RFTN2: variants seen among roughly 807,000 people sequenced by gnomAD.
The protein encoded by RFTN2 is raftlin-2.
RFTN2 carries 34 observed loss-of-function variants against 52.7 expected under a neutral mutation model. The observed-to-expected ratio is 0.64, with a 90% CI of 0.49 to 0.86. The LOEUF (loss-of-function observed/expected upper bound fraction) is 0.86, where lower values mean the gene tolerates loss of function less well. Among genes scored for constraint, RFTN2 ranks in the 40% least tolerant of loss-of-function variants. RFTN2 has a pLI of 0.00. For missense variants in RFTN2, 536 were observed against 600.1 expected, an observed-to-expected ratio of 0.89 and a Z score of 1.12; for synonymous variants, 203 against 217.7, an observed-to-expected ratio of 0.93 and a Z score of 0.59.
chr2:197,644,096 T>C (rs1463969566), intron 3 of RFTN2, 62 bp downstream of exon 3: 1 of 941,392 alleles, frequency 1.1e-6, no homozygotes, highest in Non-Finnish European at 1.8e-6. Context: ...AAAAGGGAAT[T>C]GATGAAGATG....
chr2:197,580,484 C>T (rs1386639982), intron 8 of RFTN2, among the ~76,000 whole-genome samples: 1 of 152,230 alleles, frequency 6.6e-6, no homozygotes, highest in African/African-American at 2.4e-5. Flanking sequence ...CACTGGAAAT[C>T]GGACTGTCCA....
chr2:197,609,708 G>GT (rs2088024429), intron 7 of RFTN2, among the ~76,000 whole-genome samples: 1 of 152,112 alleles, frequency 6.6e-6, no homozygotes, highest in East Asian at 1.9e-4. Flanking sequence ...TATGTCCTGA[G>GT]TGGTATTGCC....
At chr2:197,577,854 G>A (rs1245087056) in intron 8 of RFTN2, among the ~76,000 whole-genome samples, 1 of 152,146 alleles carries the variant, frequency 6.6e-6, no homozygotes, top group Admixed American at 6.5e-5. Flanking sequence ...GAGTAGCTGG[G>A]ATTACAGGAG....
intron 1 of RFTN2, among the ~76,000 whole-genome samples, chr2:197,652,216 A>G (rs1422253830): frequency 6.6e-6 from 1 of 152,242 alleles, no homozygotes; most frequent in African/African-American, 2.4e-5. Context: ...AAACTGTTCA[A>G]GGATCACTTA....
Position 197,571,713 on chromosome 2 carries a change from A to G in RFTN2, c.*295T>C. 2.8e-6 allele frequency: 1 copy of G among 355,804 alleles called. No individual in the cohort carries two copies. Among genetic ancestry groups the G allele is most frequent in the East Asian group, 5.8e-5 (1 of 17,254 alleles). The allele number at this position is 355,804 out of a possible 1,614,324, so 22.0% of individuals were successfully genotyped here. A position where few individuals can be genotyped will look rare whatever the true frequency, so the allele number is the denominator to read the frequency against. On this transcript the variant is annotated 3_prime_UTR_variant, in exon 9 of 9. Coordinates refer to ENST00000295049, the MANE Select transcript of RFTN2 (RefSeq NM_144629.3). ...CTTACCAGGAATTGTAAGAAAGTCT[A>G]CTTTGTACATTCATGAGAAGCTGAA...
intron 8 of RFTN2, among the ~76,000 whole-genome samples, chr2:197,581,361 C>G (rs553083882): frequency 6.6e-6 from 1 of 152,152 alleles, no homozygotes; most frequent in East Asian, 1.9e-4. Flanking sequence ...CTTAAAGATG[C>G]TTTTTTCACT....
At chr2:197,594,306 G>A (rs557356691) in intron 8 of RFTN2, among the ~76,000 whole-genome samples, 12 of 151,974 alleles carry the variant, frequency 7.9e-5, no homozygotes, top group East Asian at 7.8e-4. Flanking sequence ...GAGCCACCAC[G>A]CTGGGCCAGA....
intron 8 of RFTN2, among the ~76,000 whole-genome samples, chr2:197,575,806 T>C (rs966046695): frequency 1.5e-5 from 2 of 130,518 alleles, no homozygotes; most frequent in South Asian, 5.0e-4. Context: ...ATATATTTTA[T>C]ATACATAATA....
In RFTN2 at chr2:197,634,699, A is replaced by ATT. The variant is rs56902894; in HGVS notation, c.439-704_439-703dup. ...TAAGAATGCTTATTTTTTATTTTTT[A>ATT]TTTTTTTTTTATTTTTAAGGATTAT... On this transcript the variant is annotated intron_variant, in intron 3 of 8. Transcript: ENST00000295049. Among the ~76,000 whole-genome samples the ATT allele has an allele frequency of 4.6e-4, 65 of 141,474 alleles. 2 individuals carry two copies. The South Asian group carries it at 0.01, about 23-fold the overall frequency. The allele number at this position is 141,474 out of a possible 152,430, so 92.8% of individuals were successfully genotyped here.
At chr2:197,652,744 A>G (rs2088842225) in intron 1 of RFTN2, among the ~76,000 whole-genome samples, 1 of 152,230 alleles carries the variant, frequency 6.6e-6, no homozygotes. Context: ...AGCTAAGAGA[A>G]TGAAGATTTG....
Position 197,584,720 on chromosome 2 carries a change from G to A in RFTN2, c.1233+11271C>T, listed in dbSNP as rs192842095. On this transcript the variant is annotated intron_variant, in intron 8 of 8. Coordinates refer to ENST00000295049, the MANE Select transcript of RFTN2 (RefSeq NM_144629.3). ...CTCTTGCCCTTCTCAGAATCAGAACGTGTCCTCGAGATGCTACAGAGTACA... is the reference window on the plus strand; with the variant it reads ...CTCTTGCCCTTCTCAGAATCAGAACATGTCCTCGAGATGCTACAGAGTACA... Among the ~76,000 whole-genome samples the A allele has an allele frequency of 6.6e-5, 10 of 152,186 alleles. No homozygotes were observed. In the South Asian group the frequency reaches 1.5e-3, roughly 22 times the overall value.
chr2:197,668,914 G>T (rs2089101762), intron 1 of RFTN2, among the ~76,000 whole-genome samples: 1 of 152,190 alleles, frequency 6.6e-6, no homozygotes, highest in African/African-American at 2.4e-5. Context: ...GTGGGAAGGT[G>T]AAGTACTGAG....
rs565399939 is a variant in RFTN2, at chr2:197,587,552, C to T, written c.1233+8439G>A. Reference sequence around the variant, plus strand: ...CCCACCCCTGCCCGCCAGAGAACAACCCCCTTTGACTGTAATTTTCCACTA... The same window carrying T: ...CCCACCCCTGCCCGCCAGAGAACAATCCCCTTTGACTGTAATTTTCCACTA... On this transcript the variant is annotated intron_variant, in intron 8 of 8. Transcript: ENST00000295049. Among the ~76,000 whole-genome samples the T allele has an allele frequency of 7.0e-3, 1,060 of 151,206 alleles. 4 individuals carry two copies. The highest frequency in any genetic ancestry group is 0.014 in the Middle Eastern group (4 of 294).
intron 3 of RFTN2, among the ~76,000 whole-genome samples, chr2:197,638,297 T>A (rs1175595728): frequency 1.4e-4 from 14 of 102,654 alleles, no homozygotes; most frequent in Non-Finnish European, 2.9e-4. Context: ...GTATCCTTGT[T>A]GACTTTCTGT....
chr2:197,597,769 T>C (rs1417783062), intron 7 of RFTN2, among the ~76,000 whole-genome samples: 1 of 152,088 alleles, frequency 6.6e-6, no homozygotes, highest in Non-Finnish European at 1.5e-5. Context: ...CCGCCTGCCT[T>C]GGCCTCCCAA....
intron 1 of RFTN2, among the ~76,000 whole-genome samples, chr2:197,661,757 G>C (rs1002392588): frequency 6.6e-6 from 1 of 152,050 alleles, no homozygotes; most frequent in Non-Finnish European, 1.5e-5. Context: ...TCCCACCAAC[G>C]GTGTATAAGA....
intron 6 of RFTN2, among the ~76,000 whole-genome samples, chr2:197,616,309 A>ATTTTATTTTATTTATTTTATTTT (rs1553601950): frequency 0.062 from 7,700 of 124,506 alleles, 634 homozygotes; most frequent in South Asian, 0.11. Flanking sequence ...ATTTTATTTT[A>ATTTTATTTTATTTATTTTATTTT]AAGAGAGGGT....
intron 1 of RFTN2, among the ~76,000 whole-genome samples, chr2:197,661,714 ACT>A (rs1179191324): frequency 6.6e-6 from 1 of 152,102 alleles, no homozygotes; most frequent in African/African-American, 2.4e-5. Context: ...AAATCTCTAC[ACT>A]CTTTTCCATA....
At position 197,568,526 on chromosome 2, in the gene RFTN2, T is replaced by C. The variant is rs1043560039; in HGVS notation, c.*3482A>G. Reference sequence around the variant, plus strand: ...AGATTACCAGCAAATGTTATTTAAATTGATATGTTACAAGTTCTGATGAGT... The same window carrying C: ...AGATTACCAGCAAATGTTATTTAAACTGATATGTTACAAGTTCTGATGAGT... On this transcript the variant is annotated 3_prime_UTR_variant, in exon 9 of 9. Coordinates refer to ENST00000295049, the MANE Select transcript of RFTN2 (RefSeq NM_144629.3). 3 of 152,242 alleles carry C rather than the reference T, an allele frequency of 2.0e-5. No homozygotes were observed. The highest frequency in any genetic ancestry group is 7.2e-5 in the African/African-American group (3 of 41,466). 9.4% of individuals were successfully genotyped at this position (152,242 alleles called of 1,614,324 possible).
Sources: gnomAD v4.1 joint callset for allele counts (sites outside exome capture counted in the v4.1 genomes callset) on GRCh38, gnomAD v4.1.1 for gene constraint, MANE v1.5 for transcripts, NCBI Gene and HGNC (gene_info 2026-07-23, HGNC 2026-07-21) for gene names.